Variants in ABCF3 observed in about 807,000 individuals in gnomAD.
The protein encoded by ABCF3 is ATP-binding cassette sub-family F member 3.
A neutral mutation model predicts 94.3 loss-of-function variants in ABCF3; 62 were observed. That is an observed-to-expected ratio of 0.66 (90% CI 0.54 to 0.81). The LOEUF is 0.81. Among genes scored for constraint, ABCF3 ranks in the 40% least tolerant of loss-of-function variants. ABCF3 has a pLI of 0.00. For synonymous variants in ABCF3, 355 were observed against 361.1 expected, an observed-to-expected ratio of 0.98 and a Z score of 0.19; for missense variants, 843 against 925.3, an observed-to-expected ratio of 0.91 and a Z score of 1.15.
rs768965312 is a variant in ABCF3, at chr3:184,188,262, C to G, written c.691C>G (p.Pro231Ala). Residue 231 changes from proline to alanine, a missense_variant, in exon 7 of 21, where the codon CCA becomes GCA. Coordinates refer to ENST00000429586, the MANE Select transcript of ABCF3 (RefSeq NM_018358.3). ...GCTGGCCACCCGGAGTCTGCGGGTT[C>G]CAGCCCACATTTCCCTGCTGCACGT... ...KMLATRSLRV[P>A]AHISLLHVEQ... 6.2e-7 allele frequency: 1 copy of G among 1,614,132 alleles called. No homozygotes were observed. Among genetic ancestry groups the G allele is most frequent in the Non-Finnish European group, 8.5e-7 (1 of 1,180,038 alleles).
At position 184,193,147 on chromosome 3, in the gene ABCF3, T is replaced by C. The variant is rs1441909589; in HGVS notation, c.1796T>C (p.Ile599Thr). The C allele has an allele frequency of 6.4e-7, 1 of 1,561,318 alleles. No individual in the cohort carries two copies. The highest frequency in any genetic ancestry group is 1.9e-5 in the Admixed American group (1 of 52,224). Residue 599 changes from isoleucine (I) to threonine (T), a missense_variant, in exon 19 of 21, where the codon ATC (isoleucine) becomes ACC (threonine). Coordinates refer to ENST00000429586, the MANE Select transcript of ABCF3 (RefSeq NM_018358.3). This position sits in a 1 kb window ranked among gnomAD's most constrained non-coding sequence, Gnocchi z 5.2. ...CGTCACCAGCTGGGTCGGTATGGCA[T>C]CTCCGGAGAACTGGCCATGCGTCCT... ...EYRHQLGRYG[I>T]SGELAMRPLA...
intron 14 of ABCF3, 152 bp from the exon 15 acceptor site, chr3:184,190,847 C>T (rs904406451): frequency 9.1e-6 from 8 of 879,026 alleles, no homozygotes; most frequent in Non-Finnish European, 1.4e-5. Flanking sequence ...TATTTTTTAG[C>T]ATACAGTAAA....
In ABCF3 at chr3:184,193,475, C is replaced by T. The variant is rs758929712; in HGVS notation, c.1971+23C>T. ...AGGGTGAGTGTGCCTTCACCCTGAC[C>T]ACTCCTCCCAGGCCTCGGTGCCTCT... On this transcript the variant is annotated intron_variant, in intron 20 of 20. Transcript: ENST00000429586. This position sits in a 1 kb window ranked among gnomAD's most constrained non-coding sequence, Gnocchi z 5.2. 1 of 1,614,112 alleles carries T rather than the reference C, an allele frequency of 6.2e-7. No individual in the cohort carries two copies. The highest frequency in any genetic ancestry group is 8.5e-7 in the Non-Finnish European group (1 of 1,180,002).
chr3:184,191,124 T>A lies in ABCF3; in HGVS notation c.1438T>A (p.Phe480Ile). The A allele has an allele frequency of 6.2e-7, 1 of 1,614,130 alleles. No homozygotes were observed. Among genetic ancestry groups the A allele is most frequent in the East Asian group, 2.2e-5 (1 of 44,878 alleles). Reference protein sequence around the residue: ...VDKESEVVMKFPDGFEKFSPP... With the variant: ...VDKESEVVMKIPDGFEKFSPP... ...CATCCTCACCCCTACCTCCTGCAGG[T>A]TCCCTGATGGGTTTGAGAAGTTCTC... The change falls in exon 16 of 21, where the codon TTC becomes ATC. Residue 480 changes from phenylalanine (F) to isoleucine (I), a missense_variant and splice_region_variant. By Grantham distance (21) the Phe-to-Ile change is conservative. Transcript: ENST00000429586.
rs536755264 is a variant in ABCF3 at position 184,189,644 on chromosome 3, C to T, written c.1201C>T (p.Arg401Trp). The T allele has an allele frequency of 1.1e-5, 17 of 1,614,198 alleles. 1 individual carries two copies. The highest frequency in any genetic ancestry group is 4.5e-5 in the East Asian group (2 of 44,886). ...AGACATCATCCACCTGCACAGCCAG[C>T]GGCTAGATGGTTACCGGGGAGACTT... is the stretch of plus-strand genomic sequence containing the variant. ...ATDIIHLHSQ[R>W]LDGYRGDFET... Residue 401 changes from arginine to tryptophan, a missense_variant, in exon 13 of 21, where the codon CGG becomes TGG. Transcript: ENST00000429586.
At chr3:184,186,374 C>G (rs1336842875) in intron 1 of ABCF3, 94 bp downstream of exon 1, 1 of 1,592,262 alleles carries the variant, frequency 6.3e-7, no homozygotes, top group African/African-American at 1.3e-5. Context: ...TGCCAGGCCT[C>G]TCCTCTGCAT....
Position 184,188,269 on chromosome 3 carries a change from A to C in ABCF3, c.698A>C (p.His233Pro). 1.2e-6 allele frequency: 2 copies of C among 1,614,182 alleles called. No homozygotes were observed. Among genetic ancestry groups the C allele is most frequent in the Non-Finnish European group, 1.7e-6 (2 of 1,180,048 alleles). Residue 233 changes from histidine to proline, a missense_variant, in exon 7 of 21, where the codon CAC (histidine) becomes CCC (proline). Physicochemically the swap from His to Pro is moderately conservative, Grantham distance 77. Coordinates refer to ENST00000429586, the MANE Select transcript of ABCF3 (RefSeq NM_018358.3). Reference sequence around the variant, plus strand: ...ACCCGGAGTCTGCGGGTTCCAGCCCACATTTCCCTGCTGCACGTTGAGCAA... The same window carrying C: ...ACCCGGAGTCTGCGGGTTCCAGCCCCCATTTCCCTGCTGCACGTTGAGCAA... ...LATRSLRVPA[H>P]ISLLHVEQEV...
At chr3:184,187,095 G>T in intron 3 of ABCF3, 1 of 633,408 alleles carries the variant, frequency 1.6e-6, no homozygotes, top group Non-Finnish European at 2.7e-6. Context: ...AAGCATAAGA[G>T]CCTGGAGCTG....
Position 184,187,213 on chromosome 3 carries a change from C to T in ABCF3, c.302-184C>T, listed in dbSNP as rs888670772. On this transcript the variant is annotated intron_variant, in intron 3 of 20. Coordinates refer to ENST00000429586, the MANE Select transcript of ABCF3 (RefSeq NM_018358.3). The stretch of plus-strand genomic sequence containing the variant: ...TTGTCTATGCCTCTGTATCCTTCTA[C>T]GTGAGTTTTGTTTTGTTTTGTTTTG... 4.8e-5 allele frequency: 35 copies of T among 735,258 alleles called. 1 individual carries two copies. The East Asian group carries it at 7.0e-4, about 15-fold the overall frequency. The allele number at this position is 735,258 out of a possible 1,614,324, so 45.5% of individuals were successfully genotyped here.
chr3:184,189,760 G>A lies in ABCF3; in HGVS notation c.1314+3G>A, dbSNP rs1458698791. ...AGCAGTATCGCCAGCACATCCAGGTGTGGGGCCTGGCAGGGCTGGGGGTCC... is the reference window on the plus strand; with the variant it reads ...AGCAGTATCGCCAGCACATCCAGGTATGGGGCCTGGCAGGGCTGGGGGTCC... On this transcript the variant is annotated splice_donor_region_variant and intron_variant, in intron 13 of 20. Coordinates refer to ENST00000429586, the MANE Select transcript of ABCF3 (RefSeq NM_018358.3). 6.2e-7 allele frequency: 1 copy of A among 1,613,932 alleles called. No homozygotes were observed. Among genetic ancestry groups the A allele is most frequent in the East Asian group, 2.2e-5 (1 of 44,878 alleles).
rs1049120937 is a variant in ABCF3 at position 184,187,026 on chromosome 3, A to T, written c.301+151A>T. 6.3e-6 allele frequency: 5 copies of T among 799,744 alleles called. No individual in the cohort carries two copies. In the South Asian group the frequency reaches 7.4e-5, roughly 12 times the overall value. The allele number at this position is 799,744 out of a possible 1,614,324, so 49.5% of individuals were successfully genotyped here. ...GTCTTTACCGAGGGCAGAAGAGCCC[A>T]TGATGGGGGTGGGGAGGAGGTTGGA... On this transcript the variant is annotated intron_variant, in intron 3 of 20. Coordinates refer to ENST00000429586, the MANE Select transcript of ABCF3 (RefSeq NM_018358.3).
Position 184,193,273 on chromosome 3 carries a change from C to T in ABCF3, c.1883+39C>T. ...TTCCAGAGCTCTTCCCCTCCCATTT[C>T]CCCTTCTTGCCCAGTAGAAAACTGT... On this transcript the variant is annotated intron_variant, in intron 19 of 20. Coordinates refer to ENST00000429586, the MANE Select transcript of ABCF3 (RefSeq NM_018358.3). The surrounding 1 kb of genome is among the most constrained non-coding windows in gnomAD (Gnocchi z 5.2). 6.3e-7 allele frequency: 1 copy of T among 1,594,584 alleles called. No homozygotes were observed. The highest frequency in any genetic ancestry group is 1.1e-5 in the South Asian group (1 of 87,590).
At chr3:184,187,307 CTG>C (rs1715696965) in intron 3 of ABCF3, 88 bp from the exon 4 acceptor site, 3 of 1,449,686 alleles carry the variant, frequency 2.1e-6, no homozygotes, top group East Asian at 2.3e-5. Context: ...TAGAAAACAT[CTG>C]TGTCTGTGCC....
In ABCF3 at chr3:184,188,189, C is replaced by T. The variant is rs775755658; in HGVS notation, c.618C>T (p.Tyr206=). 1.2e-5 allele frequency: 20 copies of T among 1,613,890 alleles called. No individual in the cohort carries two copies. Among genetic ancestry groups the T allele is most frequent in the Middle Eastern group, 1.6e-4 (1 of 6,084 alleles). The change falls in exon 7 of 21, where the codon TAC becomes TAT. Residue 206 remains tyrosine, a synonymous_variant. Coordinates refer to ENST00000429586, the MANE Select transcript of ABCF3 (RefSeq NM_018358.3). ...ADVNLAWGRR[Y]GLVGRNGLGK... Reference sequence around the variant, plus strand: ...TGAACCTGGCATGGGGCCGCCGTTACGGGCTGGTGGGGCGGAATGGGTTGG... The same window carrying T: ...TGAACCTGGCATGGGGCCGCCGTTATGGGCTGGTGGGGCGGAATGGGTTGG...
intron 14 of ABCF3, chr3:184,190,163 T>C (rs924387539): frequency 3.4e-6 from 2 of 581,386 alleles, no homozygotes; most frequent in Non-Finnish European, 6.1e-6. Context: ...TATCTGCTTA[T>C]TCTGGGCATT....
Position 184,189,121 on chromosome 3 carries a change from C to G in ABCF3, c.1011C>G (p.Ala337=), listed in dbSNP as rs1371175321. Residue 337 remains alanine, a synonymous_variant, in exon 10 of 21, where the codon GCC becomes GCG. Coordinates refer to ENST00000429586, the MANE Select transcript of ABCF3 (RefSeq NM_018358.3). ...CAGGTGGCTGGAGGATGAGGCTGGC[C>G]CTGGCCCGGGCCCTCTTTGCTAGGT... is the stretch of plus-strand genomic sequence containing the variant. ...EFSGGWRMRL[A]LARALFARPD... 5 of 1,614,184 alleles carry G rather than the reference C, an allele frequency of 3.1e-6. No homozygotes were observed. Among genetic ancestry groups the G allele is most frequent in the Middle Eastern group, 1.6e-4 (1 of 6,062 alleles).
At chr3:184,192,238 G>C (rs557795179) in intron 16 of ABCF3, among the ~76,000 whole-genome samples, 13 of 152,248 alleles carry the variant, frequency 8.5e-5, no homozygotes, top group Non-Finnish European at 1.8e-4. Context: ...GATCAAATCA[G>C]GGTAATTAGC....
chr3:184,189,369 T>G lies in ABCF3; in HGVS notation c.1058-19T>G. 1 of 1,614,194 alleles carries G rather than the reference T, an allele frequency of 6.2e-7. No homozygotes were observed. Among genetic ancestry groups the G allele is most frequent in the Non-Finnish European group, 8.5e-7 (1 of 1,180,022 alleles). ...CTCCAGCCCTTCAATCCCAAGTGTG[T>G]GCTCCCCTGCTTCTCCAGAACCTAC... On this transcript the variant is annotated intron_variant, in intron 11 of 20. Transcript: ENST00000429586.
chr3:184,189,189 C>G, intron 10 of ABCF3, 45 bp downstream of exon 10: 1 of 1,614,182 alleles, frequency 6.2e-7, no homozygotes, highest in Non-Finnish European at 8.5e-7. Context: ...GAAGATTGGT[C>G]TTAGCTCTTG....
Sources: gnomAD v4.1 joint callset for allele counts (sites outside exome capture counted in the v4.1 genomes callset) on GRCh38, gnomAD v4.1.1 for gene constraint, Gnocchi (gnomAD v3.1) non-coding constraint, MANE v1.5 for transcripts, NCBI Gene and HGNC (gene_info 2026-07-23, HGNC 2026-07-21) for gene names.